The following CFAP74 variants were observed in gnomAD, a reference collection of about 807,000 sequenced individuals.
CFAP74 encodes the protein cilia- and flagella-associated protein 74.
A neutral mutation model predicts 188.9 loss-of-function variants in CFAP74; 124 were observed. The ratio of observed to expected loss-of-function variants is 0.66; its 90% CI spans 0.57 to 0.76. CFAP74 has a LOEUF of 0.76. Ranked by LOEUF, CFAP74 falls within the 30% of genes least tolerant of loss-of-function variation. The pLI is 0.00. For synonymous variants in CFAP74, 956 were observed against 916.7 expected (o/e 1.04, Z -0.77); for missense variants, 2,198 against 2,165.2 (o/e 1.02, Z -0.30).
chr1:1,955,144 G>A (rs995300212), intron 18 of CFAP74: 6 of 1,239,828 alleles, frequency 4.8e-6, no homozygotes, highest in Middle Eastern at 3.2e-4. Context: ...TGCGGAACGC[G>A]CACCACGCGA....
chr1:1,925,973 G>A lies in CFAP74; in HGVS notation c.3949-35C>T, dbSNP rs761855601. On this transcript the variant is annotated intron_variant, in intron 32 of 38. Transcript: ENST00000682832. ...CCACATCGCTCAGCCAGGAACCGAT[G>A]TCTGCTGGAGCCACGAGGGGAGCTC... 14 of 1,548,276 alleles carry A rather than the reference G, an allele frequency of 9.0e-6. 1 individual carries two copies. The highest frequency in any genetic ancestry group is 4.8e-5 in the East Asian group (2 of 41,934).
Position 1,922,975 on chromosome 1 carries a change from C to T in CFAP74, c.4683+10G>A, listed in dbSNP as rs748169465. ...CTGCCTGGTGTCCCCAGGGGCAGTG[C>T]TGTGGGCACCTTCTTTGGAGATGGC... On this transcript the variant is annotated intron_variant, in intron 37 of 38. Coordinates refer to ENST00000682832, the MANE Select transcript of CFAP74 (RefSeq NM_001304360.2). 8.3e-6 allele frequency: 13 copies of T among 1,569,996 alleles called. No homozygotes were observed. The highest frequency in any genetic ancestry group is 1.1e-5 in the Non-Finnish European group (13 of 1,160,832).
At chr1:1,987,602 C>CGCGATCTCGGCTCACT (rs997438341) in intron 4 of CFAP74, among the ~76,000 whole-genome samples, 9 of 151,516 alleles carry the variant, frequency 5.9e-5, no homozygotes, top group Non-Finnish European at 1.3e-4. Context: ...AGTGCAGTGG[C>CGCGATCTCGGCTCACT]GCGATCTCGG....
At position 1,928,820 on chromosome 1, in the gene CFAP74, G is replaced by T; in HGVS notation, c.3351C>A (p.Ala1117=). The T allele has an allele frequency of 1.3e-6, 2 of 1,535,704 alleles. No individual in the cohort carries two copies. ...VLPEKLIRQE[A]LPLLNKEMET... Reference sequence around the variant, plus strand: ...CCATTTCTTTGTTCAGGAGTGGGAGGGCTTCCTGGCGGATCAGCTTCTCGG... The same window carrying T: ...CCATTTCTTTGTTCAGGAGTGGGAGTGCTTCCTGGCGGATCAGCTTCTCGG... Residue 1117 remains alanine, a synonymous_variant, in exon 27 of 39, where the codon GCC becomes GCA. Coordinates refer to ENST00000682832, the MANE Select transcript of CFAP74 (RefSeq NM_001304360.2).
In CFAP74 at chr1:1,973,866, C is replaced by T. The variant is rs1316729513; in HGVS notation, c.674+159G>A. Among the ~76,000 whole-genome samples the T allele has an allele frequency of 1.3e-5, 2 of 151,572 alleles. No individual in the cohort carries two copies. Among genetic ancestry groups the T allele is most frequent in the Non-Finnish European group, 2.9e-5 (2 of 67,884 alleles). Reference sequence around the variant, plus strand: ...CTGACACTTGGGAAGGACTCAAGGGCCCGGTGGAGGAGCAAGCTGGGAGGA... The same window carrying T: ...CTGACACTTGGGAAGGACTCAAGGGTCCGGTGGAGGAGCAAGCTGGGAGGA... On this transcript the variant is annotated intron_variant, in intron 7 of 38. Coordinates refer to ENST00000682832, the MANE Select transcript of CFAP74 (RefSeq NM_001304360.2). This position sits in a 1 kb window ranked among gnomAD's most constrained non-coding sequence, Gnocchi z 6.2.
rs548118413 is a variant in CFAP74 at position 1,974,105 on chromosome 1, G to C, written c.594C>G (p.Leu198=). ...REEVEATGRR[L]QVRAAEQLCR... is the part of the protein sequence containing the mutation. ...AGAGCTGCTCGGCTGCGCGCACCTG[G>C]AGCCGCCGCCCCGTGGCCTCCACCT... The change falls in exon 7 of 39, where the codon CTC becomes CTG. Residue 198 remains leucine, a synonymous_variant. Transcript: ENST00000682832. The C allele has an allele frequency of 6.2e-7, 1 of 1,612,474 alleles. No homozygotes were observed. The highest frequency in any genetic ancestry group is 2.2e-5 in the East Asian group (1 of 44,818).
At chr1:1,950,827 AT>A (rs1278336739) in intron 18 of CFAP74, among the ~76,000 whole-genome samples, 1 of 152,124 alleles carries the variant, frequency 6.6e-6, no homozygotes, top group Non-Finnish European at 1.5e-5. Context: ...CCAGTTTACA[AT>A]TTTTAAACCA....
chr1:1,924,388 C>G lies in CFAP74; in HGVS notation c.4234+3G>C. The G allele has an allele frequency of 2.3e-6, 1 of 427,968 alleles. No homozygotes were observed. The highest frequency in any genetic ancestry group is 3.9e-6 in the Non-Finnish European group (1 of 254,268). 26.5% of individuals were successfully genotyped at this position (427,968 alleles called of 1,614,324 possible). A position where few individuals can be genotyped will look rare whatever the true frequency, so the allele number is the denominator to read the frequency against. On this transcript the variant is annotated splice_donor_region_variant and intron_variant, in intron 34 of 38. Coordinates refer to ENST00000682832, the MANE Select transcript of CFAP74 (RefSeq NM_001304360.2). ...CACCACCCACCCCCCACCCCCCGCTCACCGACCACCTCCGTCCTCTGGGAG... is the reference window on the plus strand; with the variant it reads ...CACCACCCACCCCCCACCCCCCGCTGACCGACCACCTCCGTCCTCTGGGAG...
chr1:1,958,549 G>C (rs1654835426), intron 16 of CFAP74, among the ~76,000 whole-genome samples: 1 of 152,218 alleles, frequency 6.6e-6, no homozygotes, highest in African/African-American at 2.4e-5. Flanking sequence ...GGGGGACAAT[G>C]ATGTGTGGGT....
rs751806125 is a variant in CFAP74, at chr1:1,927,696, G to A, written c.3438C>T (p.Phe1146=). 3.1e-5 allele frequency: 48 copies of A among 1,550,094 alleles called. No homozygotes were observed. The South Asian group carries it at 5.1e-4, about 17-fold the overall frequency. The change falls in exon 28 of 39, where the codon TTC becomes TTT. Residue 1146 remains phenylalanine (F), a synonymous_variant. Coordinates refer to ENST00000682832, the MANE Select transcript of CFAP74 (RefSeq NM_001304360.2). The part of the protein sequence containing the change: ...PQRKDLHGLS[F]SVLRAQNRDK... Reference sequence around the variant, plus strand: ...CGCGGTTCTGTGCTCGAAGAACGGAGAATGACAGTCCATGCAGGTCCTTCC... The same window carrying A: ...CGCGGTTCTGTGCTCGAAGAACGGAAAATGACAGTCCATGCAGGTCCTTCC...
chr1:1,958,469 C>A (rs376727591), intron 16 of CFAP74, among the ~76,000 whole-genome samples: 1 of 152,218 alleles, frequency 6.6e-6, no homozygotes, highest in Non-Finnish European at 1.5e-5. Context: ...TTCACACTCG[C>A]GGCTGAGCCA....
At chr1:1,970,638 C>T (rs766240251) in intron 10 of CFAP74, 21 bp downstream of exon 10, 4 of 1,590,072 alleles carry the variant, frequency 2.5e-6, no homozygotes, top group Non-Finnish European at 3.4e-6. Flanking sequence ...CTCCCGGTGG[C>T]ACCTCTGCCA....
At chr1:1,962,476 CA>C (rs556157241) in intron 14 of CFAP74, among the ~76,000 whole-genome samples, 5,915 of 69,264 alleles carry the variant, frequency 0.085, 250 homozygotes, top group African/African-American at 0.26. Context: ...AACTCCATCT[CA>C]AAAAAAAAAA....
In CFAP74 at chr1:1,927,597, C is replaced by A; in HGVS notation, c.3527+10G>T. Reference sequence around the variant, plus strand: ...AGGGAAGCAGGTGGGGCAGCCCCTCCTGGACCCACCTGGGCCTCAGCTCCC... The same window carrying A: ...AGGGAAGCAGGTGGGGCAGCCCCTCATGGACCCACCTGGGCCTCAGCTCCC... On this transcript the variant is annotated intron_variant, in intron 28 of 38. Transcript: ENST00000682832. 6.5e-7 allele frequency: 1 copy of A among 1,547,862 alleles called. No individual in the cohort carries two copies. Among genetic ancestry groups the A allele is most frequent in the Non-Finnish European group, 8.7e-7 (1 of 1,145,804 alleles).
chr1:1,985,555 T>G, intron 5 of CFAP74, 65 bp from the exon 6 acceptor site: 3 of 1,287,596 alleles, frequency 2.3e-6, no homozygotes, highest in Non-Finnish European at 3.4e-6. Context: ...CCATCCAGGT[T>G]CACCTGGCAC....
In CFAP74 at chr1:1,967,984, A is replaced by ATGAGAGAATGAG. The variant is rs1553229128; in HGVS notation, c.1245+650_1245+651insCTCATTCTCTCA. ...GAGTGAATGAGTGAATGAGTAAAGA[A>ATGAGAGAATGAG]TGAATGAGTGAATGAGTGAGCGAAT... On this transcript the variant is annotated intron_variant, in intron 11 of 38. Transcript: ENST00000682832. Among the ~76,000 whole-genome samples the ATGAGAGAATGAG allele has an allele frequency of 5.4e-3, 813 of 150,514 alleles. 22 individuals carry two copies. In the East Asian group the frequency reaches 0.085, roughly 16 times the overall value.
Position 1,975,950 on chromosome 1 carries a change from G to C in CFAP74, c.501-1752C>G, listed in dbSNP as rs997932526. Among the ~76,000 whole-genome samples the C allele has an allele frequency of 1.3e-5, 2 of 152,130 alleles. No homozygotes were observed. Among genetic ancestry groups the C allele is most frequent in the Non-Finnish European group, 2.9e-5 (2 of 68,036 alleles). On this transcript the variant is annotated intron_variant, in intron 6 of 38. Coordinates refer to ENST00000682832, the MANE Select transcript of CFAP74 (RefSeq NM_001304360.2). The surrounding 1 kb of genome is among the most constrained non-coding windows in gnomAD (Gnocchi z 4.5). ...TGCTGTAGGAAAACACCCACGACCGGGTCTTCGCAAACAACAGAATTTCAT... is the reference window on the plus strand; with the variant it reads ...TGCTGTAGGAAAACACCCACGACCGCGTCTTCGCAAACAACAGAATTTCAT...
At chr1:1,985,533 G>A in intron 5 of CFAP74, 43 bp from the exon 6 acceptor site, 2 of 1,495,004 alleles carry the variant, frequency 1.3e-6, no homozygotes, top group Non-Finnish European at 1.9e-6. Flanking sequence ...TCAGGCCTCA[G>A]TCATCCAGGG....
In CFAP74 at chr1:1,926,210, G is replaced by C; in HGVS notation, c.3948+18C>G. The C allele has an allele frequency of 8.1e-6, 12 of 1,485,216 alleles. No homozygotes were observed. Among genetic ancestry groups the C allele is most frequent in the Non-Finnish European group, 1.1e-5 (12 of 1,114,522 alleles). 92.0% of individuals were successfully genotyped at this position (1,485,216 alleles called of 1,614,324 possible). A position where few individuals can be genotyped will look rare whatever the true frequency, so the allele number is the denominator to read the frequency against. On this transcript the variant is annotated intron_variant, in intron 32 of 38. Transcript: ENST00000682832. ...GAGCCTTGGGCCGCAGTGTGGCCAG[G>C]GTGGGCCTGGGACTCACCAGGATGC...
Sources: allele counts gnomAD v4.1 joint callset (sites outside exome capture counted in the v4.1 genomes callset), GRCh38; gene constraint gnomAD v4.1.1; non-coding constraint Gnocchi (gnomAD v3.1); transcripts MANE v1.5; gene names NCBI Gene and HGNC (gene_info 2026-07-23, HGNC 2026-07-21).